Variants in TRPC7 observed in about 807,000 individuals in gnomAD.
TRPC7 encodes the protein transient receptor potential cation channel subfamily C member 7.
Under a neutral mutation model 90.1 loss-of-function variants are expected in TRPC7, and 42 were observed. The observed-to-expected ratio is 0.47, with a 90% CI of 0.36 to 0.60. The LOEUF (loss-of-function observed/expected upper bound fraction) is 0.60. Among genes scored for constraint, TRPC7 ranks in the 20% least tolerant of loss-of-function variants. The pLI, the probability that TRPC7 is intolerant of heterozygous loss-of-function variation, is 0.00. For synonymous variants in TRPC7, 451 were observed against 436.3 expected (o/e 1.03, Z -0.42); for missense variants, 955 against 1,112.3 (o/e 0.86, Z 2.01).
chr5:136,220,188 T>C (rs1755407478), intron 10 of TRPC7, among the ~76,000 whole-genome samples: 1 of 152,162 alleles, frequency 6.6e-6, no homozygotes, highest in Non-Finnish European at 1.5e-5. Flanking sequence ...ATGAAATCAG[T>C]GCACCTTGAA....
intron 7 of TRPC7, among the ~76,000 whole-genome samples, chr5:136,236,249 G>C (rs1242426940): frequency 1.3e-5 from 2 of 152,154 alleles, no homozygotes; most frequent in Non-Finnish European, 2.9e-5. Flanking sequence ...TGTAAGCAGG[G>C]AGGCTCTGTT....
In TRPC7 at chr5:136,291,468, C is replaced by G. The variant is rs546284230; in HGVS notation, c.964-16631G>C. The stretch of plus-strand genomic sequence containing the variant: ...GAAGATCTACCAAGCCAATGGAAAA[C>G]AAAAAAAGGCAGGGATTGCAATCCT... On this transcript the variant is annotated intron_variant, in intron 3 of 11. Coordinates refer to ENST00000513104, the MANE Select transcript of TRPC7 (RefSeq NM_020389.3). Among the ~76,000 whole-genome samples the G allele has an allele frequency of 1.2e-4, 18 of 151,672 alleles. No homozygotes were observed. The East Asian group carries it at 3.5e-3, about 29-fold the overall frequency.
chr5:136,307,489 G>A (rs1362883948), intron 3 of TRPC7, among the ~76,000 whole-genome samples: 1 of 152,210 alleles, frequency 6.6e-6, no homozygotes, highest in Non-Finnish European at 1.5e-5. Context: ...GGAACCCCTG[G>A]TCTAGAGCAA....
At chr5:136,333,364 ATATATGAT>A (rs1454847477) in intron 2 of TRPC7, among the ~76,000 whole-genome samples, 3 of 152,196 alleles carry the variant, frequency 2.0e-5, no homozygotes, top group Admixed American at 6.5e-5. Context: ...CAAAAACATG[ATATATGAT>A]TATACAGGGA....
At chr5:136,363,734 C>G (rs1324009049) in intron 1 of TRPC7, among the ~76,000 whole-genome samples, 1 of 152,102 alleles carries the variant, frequency 6.6e-6, no homozygotes, top group Non-Finnish European at 1.5e-5. Context: ...CAAGTAACAT[C>G]ATTTAGAGAA....
intron 2 of TRPC7, among the ~76,000 whole-genome samples, chr5:136,342,870 C>T (rs1183761124): frequency 6.6e-6 from 1 of 151,902 alleles, no homozygotes; most frequent in Non-Finnish European, 1.5e-5. Context: ...AAAACAAAGT[C>T]CTATGATGAA....
chr5:136,255,351 A>G (rs1376291563), intron 5 of TRPC7, among the ~76,000 whole-genome samples: 1 of 152,208 alleles, frequency 6.6e-6, no homozygotes, highest in Non-Finnish European at 1.5e-5. Context: ...TTTAACCTTC[A>G]ACAACTACCA....
At chr5:136,232,426 G>T (rs1324114451) in intron 7 of TRPC7, among the ~76,000 whole-genome samples, 2 of 152,174 alleles carry the variant, frequency 1.3e-5, no homozygotes, top group Non-Finnish European at 2.9e-5. Flanking sequence ...ACAGAGCTGA[G>T]GCTAGCCACA....
chr5:136,214,411 G>A (rs1755193518), intron 11 of TRPC7: 1 of 152,084 alleles, frequency 6.6e-6, no homozygotes, highest in South Asian at 2.1e-4. Context: ...AACATTACTC[G>A]TCTATTTTTC....
At chr5:136,270,519 C>G (rs1220489126) in intron 4 of TRPC7, among the ~76,000 whole-genome samples, 1 of 152,166 alleles carries the variant, frequency 6.6e-6, no homozygotes, top group Non-Finnish European at 1.5e-5. Context: ...GTCCTTATGT[C>G]TTTATGCCAC....
chr5:136,340,340 C>T (rs1759807239), intron 2 of TRPC7, among the ~76,000 whole-genome samples: 2 of 151,964 alleles, frequency 1.3e-5, no homozygotes, highest in Admixed American at 1.3e-4. Context: ...TTCCAAAGTA[C>T]AGAGTTTCAG....
chr5:136,241,643 C>T (rs1756169012), intron 7 of TRPC7, among the ~76,000 whole-genome samples: 1 of 152,140 alleles, frequency 6.6e-6, no homozygotes, highest in Non-Finnish European at 1.5e-5. Context: ...GCAACCTCCG[C>T]CTCCCAGGTT....
chr5:136,287,687 C>CAAAAAAAAAAAAA (rs767031610), intron 3 of TRPC7, among the ~76,000 whole-genome samples: 5 of 59,516 alleles, frequency 8.4e-5, no homozygotes, highest in Non-Finnish European at 8.8e-5. Flanking sequence ...AGTGGATGCT[C>CAAAAAAAAAAAAA]AAAAAAAAAA....
intron 2 of TRPC7, among the ~76,000 whole-genome samples, chr5:136,322,127 G>A (rs1464551383): frequency 6.6e-6 from 1 of 151,888 alleles, no homozygotes; most frequent in African/African-American, 2.4e-5. Flanking sequence ...CAATTCTCCT[G>A]CCTCAGTCTC....
At chr5:136,316,719 G>A (rs1052763949) in intron 2 of TRPC7, among the ~76,000 whole-genome samples, 4 of 152,200 alleles carry the variant, frequency 2.6e-5, no homozygotes, top group African/African-American at 7.2e-5. Context: ...GACAAAGAAT[G>A]TTTGAGGTTA....
chr5:136,294,036 G>A (rs1580913446), intron 3 of TRPC7, among the ~76,000 whole-genome samples: 1 of 152,180 alleles, frequency 6.6e-6, no homozygotes, highest in Admixed American at 6.5e-5. Flanking sequence ...AACAAGCAAT[G>A]AGGAAAGGAT....
At chr5:136,236,285 A>ACAGCCCCT (rs903344843) in intron 7 of TRPC7, among the ~76,000 whole-genome samples, 3 of 152,200 alleles carry the variant, frequency 2.0e-5, no homozygotes, top group African/African-American at 7.2e-5. Context: ...CAGCATACGT[A>ACAGCCCCT]CAGCCCCTCA....
intron 7 of TRPC7, among the ~76,000 whole-genome samples, chr5:136,234,341 T>C (rs1239914066): frequency 1.3e-5 from 2 of 151,720 alleles, no homozygotes; most frequent in Non-Finnish European, 2.9e-5. Context: ...AGAGTTTCAC[T>C]CTTGTCGCCC....
chr5:136,351,675 G>A (rs188634870), intron 2 of TRPC7, among the ~76,000 whole-genome samples: 3 of 152,204 alleles, frequency 2.0e-5, no homozygotes, highest in Admixed American at 6.5e-5. Context: ...TTTCTATTCT[G>A]ATAAGTTTGC....
Sources: gnomAD v4.1 joint callset for allele counts (sites outside exome capture counted in the v4.1 genomes callset) on GRCh38, gnomAD v4.1.1 for gene constraint, MANE v1.5 for transcripts, NCBI Gene and HGNC (gene_info 2026-07-23, HGNC 2026-07-21) for gene names.